Variants in GCDH observed in about 807,000 individuals in gnomAD.
GCDH encodes the protein glutaryl-CoA dehydrogenase, mitochondrial.
GCDH carries 31 observed loss-of-function variants against 52.8 expected under a neutral mutation model. The ratio of observed to expected loss-of-function variants is 0.59; its 90% CI spans 0.44 to 0.79. GCDH has a LOEUF of 0.79. Among genes scored for constraint, GCDH ranks in the 30% least tolerant of loss-of-function variants. The pLI, the probability that GCDH is intolerant of heterozygous loss-of-function variation, is 0.00. For synonymous variants in GCDH, 242 were observed against 250.0 expected (o/e 0.97, Z 0.30); for missense variants, 509 against 595.0 (o/e 0.86, Z 1.50).
rs1970688164 is a variant in GCDH at position 12,896,646 on chromosome 19, T to C, written c.852+225T>C. On this transcript the variant is annotated intron_variant, in intron 8 of 11. Transcript: ENST00000222214. This position sits in a 1 kb window ranked among gnomAD's most constrained non-coding sequence, Gnocchi z 5.5. ...ACATGGGCCTGAACCAGCTCAGTCA[T>C]TTGACTCACAGTGCATCTTCTGGCA... Among the ~76,000 whole-genome samples the C allele has an allele frequency of 6.6e-6, 1 of 152,198 alleles. No individual in the cohort carries two copies. The highest frequency in any genetic ancestry group is 1.5e-5 in the Non-Finnish European group (1 of 68,022).
chr19:12,893,529 C>T lies in GCDH; in HGVS notation c.381C>T (p.Ala127=). The T allele has an allele frequency of 1.2e-6, 2 of 1,614,032 alleles. No homozygotes were observed. Among genetic ancestry groups the T allele is most frequent in the Non-Finnish European group, 8.5e-7 (1 of 1,179,946 alleles). ...GVSSVAYGLL[A]RELERVDSGY... Reference sequence around the variant, plus strand: ...CGTCTGTGGCCTATGGGCTCCTGGCCCGAGAGCTGGAGCGGGTGGACAGTG... The same window carrying T: ...CGTCTGTGGCCTATGGGCTCCTGGCTCGAGAGCTGGAGCGGGTGGACAGTG... The change falls in exon 6 of 12, where the codon GCC becomes GCT. Residue 127 remains alanine (A), a synonymous_variant. Coordinates refer to ENST00000222214, the MANE Select transcript of GCDH (RefSeq NM_000159.4).
Position 12,897,097 on chromosome 19 carries a change from C to T in GCDH, c.956+84C>T, listed in dbSNP as rs1023491428. The T allele has an allele frequency of 2.4e-6, 3 of 1,242,998 alleles. No homozygotes were observed. In the African/African-American group the frequency reaches 4.4e-5, roughly 18 times the overall value. The allele number at this position is 1,242,998 out of a possible 1,614,324, so 77.0% of individuals were successfully genotyped here. A position where few individuals can be genotyped will look rare whatever the true frequency, so the allele number is the denominator to read the frequency against. On this transcript the variant is annotated intron_variant, in intron 9 of 11. Coordinates refer to ENST00000222214, the MANE Select transcript of GCDH (RefSeq NM_000159.4). ...CTATACCATGGGTGACTCCCCAGCCCCCACCCACCAGGCCTGAGTTCCTTG... is the reference window on the plus strand; with the variant it reads ...CTATACCATGGGTGACTCCCCAGCCTCCACCCACCAGGCCTGAGTTCCTTG...
At position 12,896,323 on chromosome 19, in the gene GCDH, G is replaced by T; in HGVS notation, c.754G>T (p.Gly252Cys). ...GGGTCTCTCGGCCCCCAGGATCCAG[G>T]GCAAGTTCTCGCTGCGGGCCTCAGC... is the stretch of plus-strand genomic sequence containing the variant. The part of the protein sequence containing the change: ...MRGLSAPRIQ[G>C]KFSLRASATG... Residue 252 changes from glycine (G) to cysteine (C), a missense_variant, in exon 8 of 12, where the codon GGC becomes TGC. Gly to Cys is a radical substitution (Grantham distance 159, BLOSUM62 -3). Transcript: ENST00000222214. The surrounding 1 kb of genome is among the most constrained non-coding windows in gnomAD (Gnocchi z 5.5). The T allele has an allele frequency of 6.2e-7, 1 of 1,614,160 alleles. No individual in the cohort carries two copies. Among genetic ancestry groups the T allele is most frequent in the Non-Finnish European group, 8.5e-7 (1 of 1,180,020 alleles).
At chr19:12,892,800 C>T (rs939559136) in intron 5 of GCDH, among the ~76,000 whole-genome samples, 10 of 151,796 alleles carry the variant, frequency 6.6e-5, no homozygotes, top group Non-Finnish European at 2.9e-5. Context: ...CCAGGCTAGT[C>T]TCGAACTCCT....
At position 12,892,096 on chromosome 19, in the gene GCDH, G is replaced by A; in HGVS notation, c.272-20G>A. On this transcript the variant is annotated intron_variant, in intron 4 of 11. Coordinates refer to ENST00000222214, the MANE Select transcript of GCDH (RefSeq NM_000159.4). Reference sequence around the variant, plus strand: ...GTGGCCTAGGCCTGGGCCTGAATTTGGGCACTGGTCCCTTTGCAGTTTTTC... The same window carrying A: ...GTGGCCTAGGCCTGGGCCTGAATTTAGGCACTGGTCCCTTTGCAGTTTTTC... The A allele has an allele frequency of 3.1e-6, 5 of 1,614,038 alleles. No homozygotes were observed. The highest frequency in any genetic ancestry group is 4.2e-6 in the Non-Finnish European group (5 of 1,179,924).
rs1450815466 is a variant in GCDH at position 12,896,354 on chromosome 19, G to C, written c.785G>C (p.Gly262Ala). Residue 262 changes from glycine to alanine, a missense_variant, in exon 8 of 12, where the codon GGC (glycine) becomes GCC (alanine). Transcript: ENST00000222214. This position sits in a 1 kb window ranked among gnomAD's most constrained non-coding sequence, Gnocchi z 5.5. ...TTCTCGCTGCGGGCCTCAGCCACAG[G>C]CATGATCATCATGGACGGTGTGGAG... Reference protein sequence around the residue: ...GKFSLRASATGMIIMDGVEVP... With the variant: ...GKFSLRASATAMIIMDGVEVP... 1 of 1,614,158 alleles carries C rather than the reference G, an allele frequency of 6.2e-7. No homozygotes were observed. The highest frequency in any genetic ancestry group is 8.5e-7 in the Non-Finnish European group (1 of 1,180,020).
intron 6 of GCDH, among the ~76,000 whole-genome samples, chr19:12,895,088 A>G (rs1171071897): frequency 6.6e-6 from 1 of 151,894 alleles, no homozygotes; most frequent in Non-Finnish European, 1.5e-5. Context: ...TCTTCCCCAC[A>G]GCCTCCTCCT....
In GCDH at chr19:12,899,966, C is replaced by A; in HGVS notation, c.*425C>A. On this transcript the variant is annotated 3_prime_UTR_variant, in exon 12 of 12. Transcript: ENST00000222214. ...GAGAGGAAAATAAAGACCTGCACAT[C>A]TGACCCCAAGGTGTCAGGCCGGTTT... 2 of 1,608,882 alleles carry A rather than the reference C, an allele frequency of 1.2e-6. No homozygotes were observed. Among genetic ancestry groups the A allele is most frequent in the African/African-American group, 1.3e-5 (1 of 74,856 alleles).
At chr19:12,894,911 C>G in intron 6 of GCDH, 2 of 254,814 alleles carry the variant, frequency 7.8e-6, no homozygotes, top group South Asian at 8.9e-5. Flanking sequence ...AGATCAGATT[C>G]GCAAAAAAAA....
In GCDH at chr19:12,896,122, G is replaced by GT. The variant is rs1399575213; in HGVS notation, c.635+2dup. 6.2e-7 allele frequency: 1 copy of GT among 1,614,140 alleles called. No homozygotes were observed. On this transcript the variant is annotated splice_donor_variant, in intron 7 of 11. Transcript: ENST00000222214. LOFTEE classifies it high-confidence loss of function. The surrounding 1 kb of genome is among the most constrained non-coding windows in gnomAD (Gnocchi z 5.5). The stretch of plus-strand genomic sequence containing the variant: ...ACACCCTCAATGGGACCAAGACCTG[G>GT]TAAGGGTTCTGGGTGGTGGGCAGGT...
rs926799623 is a variant in GCDH, at chr19:12,899,043, G to C, written c.1244-425G>C. ...TGCTGTGTTTCCTTGGAGCTCAGGG[G>C]TGCTTTCAGCCTCTGTGGCAAGGAA... On this transcript the variant is annotated intron_variant, in intron 11 of 11. Coordinates refer to ENST00000222214, the MANE Select transcript of GCDH (RefSeq NM_000159.4). The C allele has an allele frequency of 6.6e-6, 3 of 452,134 alleles. No homozygotes were observed. In the South Asian group the frequency reaches 6.7e-5, roughly 10 times the overall value. 28.0% of individuals were successfully genotyped at this position (452,134 alleles called of 1,614,324 possible). A position where few individuals can be genotyped will look rare whatever the true frequency, so the allele number is the denominator to read the frequency against.
chr19:12,897,169 C>A, intron 9 of GCDH, 134 bp from the exon 10 acceptor site: 1 of 1,293,788 alleles, frequency 7.7e-7, no homozygotes, highest in Non-Finnish European at 1.1e-6. Flanking sequence ...TGGGCTGAGT[C>A]AACGGCAGGG....
chr19:12,893,775 T>A (rs1970613528), intron 6 of GCDH, 122 bp downstream of exon 6: 1 of 905,748 alleles, frequency 1.1e-6, no homozygotes, highest in East Asian at 2.5e-5. Flanking sequence ...AGTGGCCACC[T>A]GGACCCCCGC....
intron 11 of GCDH, chr19:12,898,224 A>G (rs1265666990): frequency 5.8e-6 from 2 of 347,268 alleles, no homozygotes; most frequent in Non-Finnish European, 1.1e-5. Flanking sequence ...AGCTACACGC[A>G]GGAATCAACG....
chr19:12,893,423 G>A (rs915467224), intron 5 of GCDH, 60 bp from the exon 6 acceptor site: 1 of 1,457,784 alleles, frequency 6.9e-7, no homozygotes, highest in Non-Finnish European at 9.6e-7. Context: ...TGTCTCTTGG[G>A]TCTTAGCTGG....
chr19:12,895,004 C>G (rs1231240924), intron 6 of GCDH: 1 of 250,226 alleles, frequency 4.0e-6, no homozygotes, highest in African/African-American at 2.3e-5. Context: ...ATCCTCCCAG[C>G]CAGACTTAGC....
intron 9 of GCDH, 32 bp downstream of exon 9, chr19:12,897,045 G>T (rs940575713): frequency 6.5e-6 from 10 of 1,550,388 alleles, no homozygotes; most frequent in Non-Finnish European, 8.9e-6. Flanking sequence ...ATTCTCTGGG[G>T]GTGTGGGGCA....
intron 6 of GCDH, chr19:12,894,476 A>G: frequency 1.4e-6 from 1 of 731,314 alleles, no homozygotes; most frequent in Non-Finnish European, 2.6e-6. Flanking sequence ...GTTATTGTAA[A>G]AAAAAGGAGA....
In GCDH at chr19:12,891,922, C is replaced by T; in HGVS notation, c.219C>T (p.Thr73=). The T allele has an allele frequency of 6.2e-7, 1 of 1,614,210 alleles. No individual in the cohort carries two copies. The highest frequency in any genetic ancestry group is 8.5e-7 in the Non-Finnish European group (1 of 1,180,024). ...DEILIRDTFR[T]YCQERLMPRI... ...TCCTCATCAGGGACACCTTCCGCACCTACTGCCAGGAGAGACTCATGCCTC... is the reference window on the plus strand; with the variant it reads ...TCCTCATCAGGGACACCTTCCGCACTTACTGCCAGGAGAGACTCATGCCTC... Residue 73 remains threonine (T), a synonymous_variant, in exon 4 of 12, where the codon ACC becomes ACT. Transcript: ENST00000222214.
Sources: gnomAD v4.1 joint callset for allele counts (sites outside exome capture counted in the v4.1 genomes callset) on GRCh38, gnomAD v4.1.1 for gene constraint, Gnocchi (gnomAD v3.1) non-coding constraint, MANE v1.5 for transcripts, NCBI Gene and HGNC (gene_info 2026-07-23, HGNC 2026-07-21) for gene names.